Variants in TTLL7 observed in about 807,000 individuals in gnomAD.
The protein encoded by TTLL7 is tubulin polyglutamylase TTLL7.
TTLL7 carries 53 observed loss-of-function variants against 120.2 expected under a neutral mutation model. The observed-to-expected ratio is 0.44, with a 90% CI of 0.35 to 0.55. The LOEUF (loss-of-function observed/expected upper bound fraction) is 0.55, where lower values mean the gene tolerates loss of function less well. TTLL7 is among the 20% of genes least tolerant of loss of function. The pLI, the probability that TTLL7 is intolerant of heterozygous loss-of-function variation, is 0.00. For synonymous variants in TTLL7, 353 were observed against 351.7 expected (o/e 1.00, Z -0.04); for missense variants, 803 against 1,054.7 (o/e 0.76, Z 3.31).
intron 16 of TTLL7, among the ~76,000 whole-genome samples, chr1:83,907,080 C>T (rs1237420877): frequency 6.6e-6 from 1 of 151,992 alleles, no homozygotes; most frequent in Non-Finnish European, 1.5e-5. Context: ...CATTTTTTAA[C>T]CTATTAATCA....
intron 2 of TTLL7, 74 bp downstream of exon 2, chr1:83,952,113 T>TA: frequency 8.5e-6 from 13 of 1,524,528 alleles, no homozygotes; most frequent in Non-Finnish European, 1.2e-5. Flanking sequence ...TAATTTTTAA[T>TA]ACTTTAAAAA....
chr1:83,947,485 GA>G (rs985511550), intron 5 of TTLL7: 7,632 of 331,586 alleles, frequency 0.023, 19 homozygotes, highest in African/African-American at 0.036. Context: ...ATTCATCAGT[GA>G]AAAAAAAAAA....
At chr1:83,986,846 AAAG>A (rs761288764) in intron 1 of TTLL7, among the ~76,000 whole-genome samples, 66 of 152,280 alleles carry the variant, frequency 4.3e-4, no homozygotes, top group African/African-American at 6.5e-4. Context: ...TCTCAAAAAA[AAAG>A]AAGAAGAAGA....
chr1:83,875,422 T>C (rs1242949034), intron 20 of TTLL7, among the ~76,000 whole-genome samples: 1 of 151,932 alleles, frequency 6.6e-6, no homozygotes, highest in Non-Finnish European at 1.5e-5. Context: ...CTAGAAAAAA[T>C]GTGCCCATTC....
intron 1 of TTLL7, among the ~76,000 whole-genome samples, chr1:83,997,791 C>G (rs898824571): frequency 6.6e-6 from 1 of 152,190 alleles, no homozygotes; most frequent in Admixed American, 6.5e-5. Context: ...TTCCAGAGTT[C>G]TTCTTACGTT....
intron 5 of TTLL7, 57 bp downstream of exon 5, chr1:83,948,571 G>A (rs1164890846): frequency 1.0e-5 from 11 of 1,088,802 alleles, no homozygotes; most frequent in Non-Finnish European, 1.5e-5. Context: ...TAGCACTACA[G>A]TAGTTATGGT....
At chr1:83,892,269 AAT>A (rs1161496220) in intron 18 of TTLL7, among the ~76,000 whole-genome samples, 1 of 95,882 alleles carries the variant, frequency 1.0e-5, no homozygotes, top group African/African-American at 3.3e-5. Flanking sequence ...TATATATACG[AAT>A]ATATATGAAT....
At chr1:83,919,938 T>A (rs1658502600) in intron 12 of TTLL7, 104 bp from the exon 13 acceptor site, 1 of 1,037,576 alleles carries the variant, frequency 9.6e-7, no homozygotes. Context: ...TCTATACCAG[T>A]CACATTGCCA....
At chr1:83,924,000 T>C (rs1278630205) in intron 10 of TTLL7, among the ~76,000 whole-genome samples, 3 of 152,174 alleles carry the variant, frequency 2.0e-5, no homozygotes, top group Non-Finnish European at 4.4e-5. Context: ...TGTTTTGCTC[T>C]GTCTCACTTC....
intron 15 of TTLL7, 151 bp from the exon 16 acceptor site, chr1:83,907,812 T>C (rs1657332474): frequency 1.4e-6 from 1 of 713,974 alleles, no homozygotes; most frequent in Non-Finnish European, 2.3e-6. Context: ...AATATGAGTT[T>C]GGAATACACT....
At chr1:83,943,627 A>G (rs1648193110) in intron 6 of TTLL7, among the ~76,000 whole-genome samples, 1 of 152,216 alleles carries the variant, frequency 6.6e-6, no homozygotes, top group Admixed American at 6.5e-5. Flanking sequence ...AAGAACACAG[A>G]CTACAACTAC....
At chr1:83,957,075 A>T (rs1416532156) in intron 1 of TTLL7, among the ~76,000 whole-genome samples, 1 of 152,208 alleles carries the variant, frequency 6.6e-6, no homozygotes, top group East Asian at 1.9e-4. Flanking sequence ...CAAGGAGTCA[A>T]ATCAAATTCC....
Position 83,922,796 on chromosome 1 carries a change from G to A in TTLL7, c.1143-1402C>T, listed in dbSNP as rs1310156023. Among the ~76,000 whole-genome samples, 28 of 150,518 alleles carry A rather than the reference G, an allele frequency of 1.9e-4. 1 individual carries two copies. Among genetic ancestry groups the A allele is most frequent in the African/African-American group, 6.7e-4 (27 of 40,544 alleles). On this transcript the variant is annotated intron_variant, in intron 10 of 20. Transcript: ENST00000260505. Reference sequence around the variant, plus strand: ...TGTATATGTTAAAGATTATGCTCTTGGCAGTATATACAGTGGCTTAGAAGT... The same window carrying A: ...TGTATATGTTAAAGATTATGCTCTTAGCAGTATATACAGTGGCTTAGAAGT...
At chr1:83,918,894 G>C (rs1658410727) in intron 13 of TTLL7, among the ~76,000 whole-genome samples, 1 of 152,058 alleles carries the variant, frequency 6.6e-6, no homozygotes, top group African/African-American at 2.4e-5. Flanking sequence ...CTAAAATAGA[G>C]AGCTCCTACT....
At position 83,892,928 on chromosome 1, in the gene TTLL7, G is replaced by GAGAA. The variant is rs1553129435; in HGVS notation, c.2209-2451_2209-2448dup. Among the ~76,000 whole-genome samples, 297 of 102,706 alleles carry GAGAA rather than the reference G, an allele frequency of 2.9e-3. 7 individuals are homozygous for GAGAA. The highest frequency in any genetic ancestry group is 8.0e-3 in the East Asian group (23 of 2,884). 67.4% of individuals were successfully genotyped at this position (102,706 alleles called of 152,430 possible). A position where few individuals can be genotyped will look rare whatever the true frequency, so the allele number is the denominator to read the frequency against. ...AGGAAAAAGAAAAAAGAAAGAAAAA[G>GAGAA]AGAAAGAAAGAAAGAAAGAAAGAAA... is the stretch of plus-strand genomic sequence containing the variant. On this transcript the variant is annotated intron_variant, in intron 18 of 20. Coordinates refer to ENST00000260505, the MANE Select transcript of TTLL7 (RefSeq NM_024686.6).
At chr1:83,901,178 C>G (rs1192156693) in intron 18 of TTLL7, among the ~76,000 whole-genome samples, 1 of 151,978 alleles carries the variant, frequency 6.6e-6, no homozygotes, top group Non-Finnish European at 1.5e-5. Context: ...GCCCTCTCAA[C>G]TTCTGCCTTT....
At chr1:83,923,829 C>T (rs1175237449) in intron 10 of TTLL7, among the ~76,000 whole-genome samples, 2 of 152,144 alleles carry the variant, frequency 1.3e-5, no homozygotes, top group East Asian at 3.8e-4. Context: ...ATTTTCCATT[C>T]AACTGTATCC....
intron 1 of TTLL7, among the ~76,000 whole-genome samples, chr1:83,976,450 G>A (rs1016404334): frequency 1.3e-5 from 2 of 152,012 alleles, no homozygotes; most frequent in Non-Finnish European, 2.9e-5. Context: ...AAAACAGAGA[G>A]TTTGATACAA....
At chr1:83,892,889 GAGAA>G (rs200163508) in intron 18 of TTLL7, among the ~76,000 whole-genome samples, 4,147 of 107,696 alleles carry the variant, frequency 0.039, 132 homozygotes, top group Middle Eastern at 0.11. Context: ...AGCAAAAAGA[GAGAA>G]AGAGAAAGAA....
Sources: gnomAD v4.1 joint callset for allele counts (sites outside exome capture counted in the v4.1 genomes callset) on GRCh38, gnomAD v4.1.1 for gene constraint, MANE v1.5 for transcripts, NCBI Gene and HGNC (gene_info 2026-07-23, HGNC 2026-07-21) for gene names.